The following FER variants were observed in gnomAD, a reference collection of about 807,000 sequenced individuals.
The protein encoded by FER is FER tyrosine kinase, also known as tyrosine-protein kinase Fer.
Under a neutral mutation model 111.0 loss-of-function variants are expected in FER, and 63 were observed. That is an observed-to-expected ratio of 0.57 (90% CI 0.46 to 0.70). The LOEUF is 0.70. Ranked by LOEUF, FER falls within the 30% of genes least tolerant of loss-of-function variation. The pLI, the probability that FER is intolerant of heterozygous loss-of-function variation, is 0.00. For synonymous variants in FER, 327 were observed against 313.9 expected (o/e 1.04, Z -0.44); for missense variants, 914 against 954.0 (o/e 0.96, Z 0.55).
intron 17 of FER, among the ~76,000 whole-genome samples, chr5:109,112,537 G>T (rs1272496451): frequency 6.6e-6 from 1 of 152,098 alleles, no homozygotes; most frequent in Non-Finnish European, 1.5e-5. Flanking sequence ...CTCTGAGAGA[G>T]ATCACTATGC....
At chr5:108,902,224 G>A (rs1007739935) in intron 10 of FER, among the ~76,000 whole-genome samples, 1 of 152,198 alleles carries the variant, frequency 6.6e-6, no homozygotes, top group Non-Finnish European at 1.5e-5. Flanking sequence ...AGAGCATTTA[G>A]AGATGATATC....
chr5:109,091,784 C>A (rs1561883296), intron 16 of FER, among the ~76,000 whole-genome samples: 1 of 152,174 alleles, frequency 6.6e-6, no homozygotes, highest in African/African-American at 2.4e-5. Context: ...AATCAACATC[C>A]TCCCTGACCC....
At chr5:109,144,737 T>C (rs1265887920) in intron 17 of FER, among the ~76,000 whole-genome samples, 2 of 152,072 alleles carry the variant, frequency 1.3e-5, no homozygotes, top group African/African-American at 4.8e-5. Context: ...AAATGTTGTT[T>C]GGATGGACCT....
chr5:108,754,134 G>A (rs1396765474), intron 1 of FER, among the ~76,000 whole-genome samples: 2 of 152,048 alleles, frequency 1.3e-5, no homozygotes, highest in Non-Finnish European at 2.9e-5. Flanking sequence ...ATGTGGGCTG[G>A]GTGCAGTGGC....
chr5:108,806,831 C>G (rs1436596175), intron 3 of FER, among the ~76,000 whole-genome samples: 1 of 152,114 alleles, frequency 6.6e-6, no homozygotes, highest in Non-Finnish European at 1.5e-5. Context: ...AAGGGACTTG[C>G]CTTGTCTCAG....
intron 2 of FER, among the ~76,000 whole-genome samples, chr5:108,792,806 A>G (rs1580560220): frequency 6.6e-6 from 1 of 151,112 alleles, no homozygotes; most frequent in East Asian, 1.9e-4. Flanking sequence ...TTATTTTTCT[A>G]TATTGTATAA....
rs1232820003 is a variant in FER at position 108,839,572 on chromosome 5, C to CTT, written c.481+3787_481+3788dup. Among the ~76,000 whole-genome samples, 793 of 94,672 alleles carry CTT rather than the reference C, an allele frequency of 8.4e-3. 5 individuals carry two copies. Among genetic ancestry groups the CTT allele is most frequent in the East Asian group, 0.011 (37 of 3,436 alleles). 62.1% of individuals were successfully genotyped at this position (94,672 alleles called of 152,430 possible). A position where few individuals can be genotyped will look rare whatever the true frequency, so the allele number is the denominator to read the frequency against. ...TCCTACCCCAACCCCATGCCATTTT[C>CTT]TTTTTTTTTTTTTTTTTTTTTTTGA... On this transcript the variant is annotated intron_variant, in intron 5 of 19. Transcript: ENST00000281092.
rs1194387567 is a variant in FER at position 109,189,892 on chromosome 5, C to G, written c.*2317C>G. The G allele has an allele frequency of 2.0e-5, 3 of 152,170 alleles. No individual in the cohort carries two copies. The highest frequency in any genetic ancestry group is 7.2e-5 in the African/African-American group (3 of 41,446). The allele number at this position is 152,170 out of a possible 1,614,324, so 9.4% of individuals were successfully genotyped here. On this transcript the variant is annotated 3_prime_UTR_variant, in exon 20 of 20. Coordinates refer to ENST00000281092, the MANE Select transcript of FER (RefSeq NM_005246.4). ...TTAGAATTTGCAGTTCACATCATTA[C>G]TCTGTGCTTAAATTTAAAAAGCTTT...
At chr5:108,910,876 T>C (rs1051615095) in intron 10 of FER, among the ~76,000 whole-genome samples, 3 of 152,128 alleles carry the variant, frequency 2.0e-5, no homozygotes, top group African/African-American at 4.8e-5. Context: ...ACATTTCCTT[T>C]ATCCAATCAA....
At chr5:109,049,139 A>C (rs183329245) in intron 16 of FER, among the ~76,000 whole-genome samples, 77 of 152,268 alleles carry the variant, frequency 5.1e-4, no homozygotes, top group African/African-American at 1.7e-3. Context: ...GATTTATGTA[A>C]ATGTATTAGC....
chr5:108,910,473 GGTTT>G (rs1489742353), intron 10 of FER, among the ~76,000 whole-genome samples: 2 of 151,962 alleles, frequency 1.3e-5, no homozygotes, highest in East Asian at 3.8e-4. Context: ...TTAAAAAAAA[GGTTT>G]GTTTAAAAAT....
At chr5:109,101,239 C>G (rs1324297918) in intron 17 of FER, among the ~76,000 whole-genome samples, 2 of 151,872 alleles carry the variant, frequency 1.3e-5, no homozygotes, top group Non-Finnish European at 2.9e-5. Context: ...TAAATAAGCA[C>G]AATGAAGTGG....
rs190988597 is a variant in FER, at chr5:109,185,680, C to T, written c.2204-520C>T. 5.3e-5 allele frequency among the ~76,000 whole-genome samples: 8 copies of T among 151,854 alleles called. No homozygotes were observed. In the East Asian group the frequency reaches 1.2e-3, roughly 22 times the overall value. On this transcript the variant is annotated intron_variant, in intron 18 of 19. Transcript: ENST00000281092. The stretch of plus-strand genomic sequence containing the variant: ...AGGCTAGTTTGATTAAACTAGCAGC[C>T]TGAAGAATATTTATTTAATTGGTAA...
intron 17 of FER, among the ~76,000 whole-genome samples, chr5:109,114,753 A>T (rs1423675828): frequency 1.3e-5 from 2 of 152,138 alleles, no homozygotes. Flanking sequence ...CATACTCCAA[A>T]ATGAGAACAA....
chr5:109,097,269 G>A (rs10076453), intron 16 of FER, among the ~76,000 whole-genome samples: 60,481 of 151,514 alleles, frequency 0.4, 12,362 homozygotes, highest in African/African-American at 0.45. Context: ...TGACTATTAA[G>A]AACATTGTAA....
At chr5:109,141,744 G>A (rs75355009) in intron 17 of FER, among the ~76,000 whole-genome samples, 17,211 of 152,188 alleles carry the variant, frequency 0.11, 960 homozygotes, top group Non-Finnish European at 0.12. Flanking sequence ...CACTGACTAA[G>A]TCAAGTTACA....
At chr5:108,812,178 T>C (rs755432764) in intron 3 of FER, among the ~76,000 whole-genome samples, 2 of 152,210 alleles carry the variant, frequency 1.3e-5, no homozygotes, top group Non-Finnish European at 2.9e-5. Flanking sequence ...TATTAGTCCA[T>C]TTTTCTTATA....
intron 3 of FER, among the ~76,000 whole-genome samples, chr5:108,803,103 G>C (rs1184472583): frequency 3.3e-5 from 5 of 152,098 alleles, no homozygotes; most frequent in Non-Finnish European, 7.4e-5. Context: ...TAATGACGTT[G>C]AGCATTTTAT....
At chr5:109,002,375 G>T (rs1310295121) in intron 13 of FER, among the ~76,000 whole-genome samples, 4 of 151,472 alleles carry the variant, frequency 2.6e-5, no homozygotes, top group Non-Finnish European at 5.9e-5. Context: ...AATGGGGAAA[G>T]GATTCCCTAT....
Sources: allele counts gnomAD v4.1 joint callset (sites outside exome capture counted in the v4.1 genomes callset), GRCh38; gene constraint gnomAD v4.1.1; transcripts MANE v1.5; gene names NCBI Gene and HGNC (gene_info 2026-07-23, HGNC 2026-07-21).